CELSR1: variants seen among roughly 807,000 people sequenced by gnomAD.
The protein encoded by CELSR1 is adhesion G protein-coupled receptor C1.
Under a neutral mutation model 249.1 loss-of-function variants are expected in CELSR1, and 110 were observed. That is an observed-to-expected ratio of 0.44 (90% CI 0.38 to 0.52). CELSR1 has a LOEUF of 0.52. Among genes scored for constraint, CELSR1 ranks in the 20% least tolerant of loss-of-function variants. CELSR1 has a pLI of 0.00. For synonymous variants in CELSR1, 2,113 were observed against 1,900.0 expected (o/e 1.11, Z -2.92); for missense variants, 4,109 against 4,296.4 (o/e 0.96, Z 1.22).
intron 23 of CELSR1, 136 bp from the exon 24 acceptor site, chr22:46,377,397 C>T: frequency 1.0e-6 from 1 of 959,614 alleles, no homozygotes; most frequent in South Asian, 1.6e-5. Flanking sequence ...GCTGGGGAGG[C>T]CGAGTGCTCA....
In CELSR1 at chr22:46,385,728, A is replaced by C. The variant is rs553039702; in HGVS notation, c.6739+674T>G. On this transcript the variant is annotated intron_variant, in intron 19 of 34. Coordinates refer to ENST00000674500, the MANE Select transcript of CELSR1 (RefSeq NM_001378328.1). ...AGTCTGGCTCTCTCGCCCAGGCTGG[A>C]GTGCAGTGGCATGATCTCGGCTCAC... Among the ~76,000 whole-genome samples the C allele has an allele frequency of 3.5e-3, 480 of 138,264 alleles. 3 individuals are homozygous for C. Among genetic ancestry groups the C allele is most frequent in the African/African-American group, 0.013 (462 of 36,418 alleles). The allele number at this position is 138,264 out of a possible 152,430, so 90.7% of individuals were successfully genotyped here.
At position 46,391,263 on chromosome 22, in the gene CELSR1, G is replaced by T; in HGVS notation, c.6173C>A (p.Ala2058Glu). 2.5e-6 allele frequency: 4 copies of T among 1,613,690 alleles called. No homozygotes were observed. The highest frequency in any genetic ancestry group is 2.5e-6 in the Non-Finnish European group (3 of 1,179,974). ...CEVIYNGCPK[A>E]FEAGIWWPQT... ...TGGCCACCAGATGCCGGCCTCAAAT[G>T]CTTTGGGACAGCCATTGTAGATCAC... The change falls in exon 16 of 35, where the codon GCA becomes GAA. Residue 2058 changes from alanine to glutamate, a missense_variant. Physicochemically the swap from Ala to Glu is moderately radical, Grantham distance 107. Coordinates refer to ENST00000674500, the MANE Select transcript of CELSR1 (RefSeq NM_001378328.1). This position sits in a 1 kb window ranked among gnomAD's most constrained non-coding sequence, Gnocchi z 4.3.
chr22:46,504,982 G>A (rs772755775), intron 1 of CELSR1, among the ~76,000 whole-genome samples: 14 of 152,334 alleles, frequency 9.2e-5, no homozygotes, highest in Non-Finnish European at 1.8e-4. Flanking sequence ...GCAAGGAAAG[G>A]CCGGGTGCGG....
chr22:46,438,972 G>C (rs538638229), intron 3 of CELSR1, among the ~76,000 whole-genome samples: 1 of 152,128 alleles, frequency 6.6e-6, no homozygotes, highest in African/African-American at 2.4e-5. Flanking sequence ...TGACTAGGCT[G>C]GTCTCAAACT....
In CELSR1 at chr22:46,407,551, G is replaced by C. The variant is rs928448613; in HGVS notation, c.5226+1445C>G. The stretch of plus-strand genomic sequence containing the variant: ...GGAGGCTGAGGCAGGAGAATCGCTT[G>C]AACCTGGGGGGCAGAAGTTGCAGTG... On this transcript the variant is annotated intron_variant, in intron 9 of 34. Transcript: ENST00000674500. This position sits in a 1 kb window ranked among gnomAD's most constrained non-coding sequence, Gnocchi z 4.8. Among the ~76,000 whole-genome samples, 1 of 152,116 alleles carries C rather than the reference G, an allele frequency of 6.6e-6. No homozygotes were observed. The highest frequency in any genetic ancestry group is 6.5e-5 in the Admixed American group (1 of 15,274).
chr22:46,513,483 T>C (rs1357695189), intron 1 of CELSR1, among the ~76,000 whole-genome samples: 1 of 152,136 alleles, frequency 6.6e-6, no homozygotes, highest in African/African-American at 2.4e-5. Flanking sequence ...CACTTCAAGT[T>C]GCAACTTGAG....
At chr22:46,368,974 G>GC (rs149805074) in intron 27 of CELSR1, among the ~76,000 whole-genome samples, 1 of 151,182 alleles carries the variant, frequency 6.6e-6, no homozygotes, top group African/African-American at 2.4e-5. Flanking sequence ...ACCTCCTCCA[G>GC]CCCCCTCCCC....
chr22:46,533,267 C>T (rs765638521), intron 1 of CELSR1, among the ~76,000 whole-genome samples: 1 of 152,146 alleles, frequency 6.6e-6, no homozygotes, highest in Non-Finnish European at 1.5e-5. Context: ...GGCTGGCTGA[C>T]GAAAGAGCAT....
intron 1 of CELSR1, among the ~76,000 whole-genome samples, chr22:46,510,952 T>G (rs1282693953): frequency 1.3e-5 from 2 of 151,970 alleles, no homozygotes; most frequent in Admixed American, 6.6e-5. Context: ...CCATCTCTAC[T>G]AAAAATAGAA....
intron 1 of CELSR1, among the ~76,000 whole-genome samples, chr22:46,516,444 C>T (rs1422771600): frequency 6.6e-6 from 1 of 152,096 alleles, no homozygotes; most frequent in Non-Finnish European, 1.5e-5. Context: ...ACATCACACA[C>T]CGGGGCCTGT....
intron 1 of CELSR1, among the ~76,000 whole-genome samples, chr22:46,502,123 C>G (rs560801973): frequency 2.6e-5 from 4 of 151,586 alleles, no homozygotes; most frequent in Non-Finnish European, 5.9e-5. Context: ...TAGCTGGGCA[C>G]AGTGGCGCAC....
Position 46,406,364 on chromosome 22 carries a change from T to C in CELSR1, c.5226+2632A>G, listed in dbSNP as rs1330397257. Among the ~76,000 whole-genome samples the C allele has an allele frequency of 6.6e-6, 1 of 152,166 alleles. No individual in the cohort carries two copies. The highest frequency in any genetic ancestry group is 1.5e-5 in the Non-Finnish European group (1 of 68,032). ...AATCATCCCTGGCGCACACCACACC[T>C]TCCAGGCAATCCGAGAGGTCTGTGC... On this transcript the variant is annotated intron_variant, in intron 9 of 34. Coordinates refer to ENST00000674500, the MANE Select transcript of CELSR1 (RefSeq NM_001378328.1). This position sits in a 1 kb window ranked among gnomAD's most constrained non-coding sequence, Gnocchi z 5.4.
At chr22:46,418,633 G>T (rs997010463) in intron 5 of CELSR1, among the ~76,000 whole-genome samples, 1 of 152,204 alleles carries the variant, frequency 6.6e-6, no homozygotes, top group Non-Finnish European at 1.5e-5. Context: ...GAGCTAAGAC[G>T]CAAAGCCACC....
At chr22:46,453,769 G>C (rs2079913587) in intron 2 of CELSR1, among the ~76,000 whole-genome samples, 1 of 152,202 alleles carries the variant, frequency 6.6e-6, no homozygotes, top group South Asian at 2.1e-4. Flanking sequence ...CCAGATCGTG[G>C]CCGGTTATAA....
chr22:46,495,363 G>A (rs1286012292), intron 1 of CELSR1, among the ~76,000 whole-genome samples: 1 of 152,200 alleles, frequency 6.6e-6, no homozygotes, highest in African/African-American at 2.4e-5. Flanking sequence ...TGAGAACATG[G>A]TATAACATTA....
intron 18 of CELSR1, 100 bp from the exon 19 acceptor site, chr22:46,386,685 A>G (rs2079037670): frequency 3.3e-6 from 3 of 903,320 alleles, no homozygotes; most frequent in Admixed American, 6.4e-5. Context: ...TAGTGGGCTC[A>G]TTCATTCATT....
chr22:46,534,842 T>C lies in CELSR1; in HGVS notation c.2329A>G (p.Ile777Val). The C allele has an allele frequency of 6.2e-7, 1 of 1,612,974 alleles. No homozygotes were observed. Among genetic ancestry groups the C allele is most frequent in the Non-Finnish European group, 8.5e-7 (1 of 1,179,950 alleles). ...GTRSHTAHVL[I>V]NVTDANTHRP... is the part of the protein sequence containing the mutation. ...TGGGTGTTGGCATCAGTGACGTTGA[T>C]TAGGACATGCGCAGTGTGCGACCGT... is the stretch of plus-strand genomic sequence containing the variant. The change falls in exon 1 of 35, where the codon ATC (isoleucine) becomes GTC (valine). Residue 777 changes from isoleucine to valine, a missense_variant. Ile to Val is a conservative substitution (Grantham distance 29). Around this residue, in one of 7 missense-constraint regions of CELSR1, gnomAD observed 886 missense variants for 896.5 expected, o/e 0.99. Coordinates refer to ENST00000674500, the MANE Select transcript of CELSR1 (RefSeq NM_001378328.1). This position sits in a 1 kb window ranked among gnomAD's most constrained non-coding sequence, Gnocchi z 9.7.
chr22:46,487,991 G>GATCTCGGTGGTC (rs2080332516), intron 1 of CELSR1, among the ~76,000 whole-genome samples: 1 of 144,780 alleles, frequency 6.9e-6, no homozygotes, highest in African/African-American at 2.6e-5. Context: ...TGAGGGTGTA[G>GATCTCGGTGGTC]GGGAGGGGTG....
Position 46,533,682 on chromosome 22 carries a change from G to T in CELSR1, c.3489C>A (p.Ser1163Arg). 6.2e-7 allele frequency: 1 copy of T among 1,608,874 alleles called. No homozygotes were observed. Residue 1163 changes from serine (S) to arginine (R), a missense_variant, in exon 1 of 35, where the codon AGC (serine) becomes AGA (arginine). Coordinates refer to ENST00000674500, the MANE Select transcript of CELSR1 (RefSeq NM_001378328.1). Reference sequence around the variant, plus strand: ...GCGGCCGGTTGTTGTCCAGGTCGCGGCTGAGCTGCAGTTCGCCCGTGGCGG... The same window carrying T: ...GCGGCCGGTTGTTGTCCAGGTCGCGTCTGAGCTGCAGTTCGCCCGTGGCGG... The part of the protein sequence containing the change: ...LDPATGELQL[S>R]RDLDNNRPLE...
Sources: allele counts gnomAD v4.1 joint callset (sites outside exome capture counted in the v4.1 genomes callset), GRCh38; gene constraint gnomAD v4.1.1; regional missense constraint gnomAD v4.1.1; non-coding constraint Gnocchi (gnomAD v3.1); transcripts MANE v1.5; gene names NCBI Gene and HGNC (gene_info 2026-07-23, HGNC 2026-07-21).